AK4: variants seen among roughly 807,000 people sequenced by gnomAD.
AK4 encodes adenylate kinase 4, mitochondrial.
Under a neutral mutation model 24.6 loss-of-function variants are expected in AK4, and 13 were observed. The ratio of observed to expected loss-of-function variants is 0.53; its 90% CI spans 0.34 to 0.84. AK4 has a LOEUF of 0.84. AK4 is among the 40% of genes least tolerant of loss of function. The pLI, the probability that AK4 is intolerant of heterozygous loss-of-function variation, is 0.01. For synonymous variants in AK4, 88 were observed against 107.0 expected (o/e 0.82, Z 1.10); for missense variants, 192 against 288.2 (o/e 0.67, Z 2.42).
chr1:65,150,220 T>G (rs1557433173), intron 1 of AK4, among the ~76,000 whole-genome samples: 1 of 152,094 alleles, frequency 6.6e-6, no homozygotes, highest in Non-Finnish European at 1.5e-5. Flanking sequence ...TTTCTGCACT[T>G]TCTTAGGGGC....
intron 2 of AK4, among the ~76,000 whole-genome samples, chr1:65,193,614 G>A (rs761700442): frequency 3.3e-5 from 5 of 152,140 alleles, no homozygotes; most frequent in Admixed American, 2.0e-4. Flanking sequence ...TGACAGTAAG[G>A]GGTGTGGGAA....
At chr1:65,154,019 G>A (rs1649887523) in intron 1 of AK4, among the ~76,000 whole-genome samples, 1 of 152,168 alleles carries the variant, frequency 6.6e-6, no homozygotes, top group South Asian at 2.1e-4. Flanking sequence ...TATTCCAAGG[G>A]CACTGGAAAG....
intron 1 of AK4, among the ~76,000 whole-genome samples, chr1:65,155,429 C>T (rs1371045886): frequency 1.3e-5 from 2 of 152,046 alleles, no homozygotes; most frequent in Admixed American, 6.6e-5. Flanking sequence ...GCTGAGATTG[C>T]GCCACTGTAC....
chr1:65,191,397 A>T (rs939183510), intron 2 of AK4, among the ~76,000 whole-genome samples: 3 of 152,156 alleles, frequency 2.0e-5, no homozygotes, highest in Non-Finnish European at 4.4e-5. Context: ...TATTACTGAC[A>T]CTATAAAAGA....
chr1:65,196,834 G>A (rs1651487040), intron 2 of AK4, among the ~76,000 whole-genome samples: 1 of 152,074 alleles, frequency 6.6e-6, no homozygotes, highest in South Asian at 2.1e-4. Flanking sequence ...AGACATACCC[G>A]AGACTGGGTA....
At chr1:65,201,062 G>A (rs966172291) in intron 2 of AK4, among the ~76,000 whole-genome samples, 2 of 152,198 alleles carry the variant, frequency 1.3e-5, no homozygotes, top group African/African-American at 4.8e-5. Context: ...AAAGTGCTGG[G>A]ATTACAGGTG....
rs571914026 is a variant in AK4, at chr1:65,220,127, T to C, written c.438+1201T>C. On this transcript the variant is annotated intron_variant, in intron 3 of 4. Coordinates refer to ENST00000327299, the MANE Select transcript of AK4 (RefSeq NM_013410.4). ...GTTCCATTGTATGGATGTACCACAG[T>C]TTATTCGTTTTGAAGAACATCTTGG... Among the ~76,000 whole-genome samples the C allele has an allele frequency of 3.8e-4, 58 of 152,350 alleles. 1 individual carries two copies. The highest frequency in any genetic ancestry group is 4.1e-4 in the South Asian group (2 of 4,830).
At chr1:65,166,340 G>A (rs1650329270) in intron 1 of AK4, among the ~76,000 whole-genome samples, 2 of 151,016 alleles carry the variant, frequency 1.3e-5, no homozygotes, top group African/African-American at 4.9e-5. Context: ...GTGTGTGTGT[G>A]TGTGTGTGTG....
intron 1 of AK4, among the ~76,000 whole-genome samples, chr1:65,175,876 A>G (rs1291606924): frequency 6.6e-6 from 1 of 152,040 alleles, no homozygotes; most frequent in South Asian, 2.1e-4. Context: ...ATTCATCCCA[A>G]TCTGCTTTTC....
At chr1:65,188,299 G>A (rs1651170476) in intron 1 of AK4, among the ~76,000 whole-genome samples, 1 of 151,938 alleles carries the variant, frequency 6.6e-6, no homozygotes, top group Non-Finnish European at 1.5e-5. Flanking sequence ...GGAGGCTGGG[G>A]CAGGAGAATC....
chr1:65,163,595 A>G (rs373518728), intron 1 of AK4, among the ~76,000 whole-genome samples: 1 of 152,188 alleles, frequency 6.6e-6, no homozygotes, highest in African/African-American at 2.4e-5. Flanking sequence ...AGTCTTATCT[A>G]CCTAAGCCAG....
chr1:65,165,034 A>G (rs887440464), intron 1 of AK4, among the ~76,000 whole-genome samples: 6 of 152,262 alleles, frequency 3.9e-5, no homozygotes, highest in Admixed American at 3.9e-4. Context: ...TTTGTTAATC[A>G]GAGTAAGAAA....
intron 1 of AK4, among the ~76,000 whole-genome samples, chr1:65,171,853 A>G (rs1415337769): frequency 2.0e-5 from 3 of 151,470 alleles, no homozygotes; most frequent in South Asian, 2.1e-4. Context: ...GGATCACTTG[A>G]GGTCAGGAGT....
rs573170359 is a variant in AK4 at position 65,230,949 on chromosome 1, G to A, written c.*4772G>A. ...TTCTGCAGTTGATTTTGCTAGAGAG[G>A]CAATTCATAAGGTGAGGTCCTGTTC... On this transcript the variant is annotated 3_prime_UTR_variant, in exon 5 of 5. Coordinates refer to ENST00000327299, the MANE Select transcript of AK4 (RefSeq NM_013410.4). 3 of 152,214 alleles carry A rather than the reference G, an allele frequency of 2.0e-5. No individual in the cohort carries two copies. Among genetic ancestry groups the A allele is most frequent in the East Asian group, 3.9e-4 (2 of 5,180 alleles). The allele number at this position is 152,214 out of a possible 1,614,324, so 9.4% of individuals were successfully genotyped here.
chr1:65,171,153 G>T (rs1471273048), intron 1 of AK4, among the ~76,000 whole-genome samples: 1 of 145,174 alleles, frequency 6.9e-6, no homozygotes, highest in Admixed American at 6.9e-5. Context: ...TGCAGATAGG[G>T]TCTCACTATA....
chr1:65,218,122 T>A (rs1652187064), intron 2 of AK4, among the ~76,000 whole-genome samples: 1 of 152,208 alleles, frequency 6.6e-6, no homozygotes. Context: ...TTGCCTACCT[T>A]GGTTAAAGTG....
rs568197381 is a variant in AK4 at position 65,229,800 on chromosome 1, C to T, written c.*3623C>T. 1 of 151,734 alleles carries T rather than the reference C, an allele frequency of 6.6e-6. No individual in the cohort carries two copies. Among genetic ancestry groups the T allele is most frequent in the Non-Finnish European group, 1.5e-5 (1 of 68,082 alleles). The allele number at this position is 151,734 out of a possible 1,614,324, so 9.4% of individuals were successfully genotyped here. On this transcript the variant is annotated 3_prime_UTR_variant, in exon 5 of 5. Transcript: ENST00000327299. ...AAGTGGCCTTTACCCTTGAGCCGTC[C>T]CCAGCCATGGTGCTCACACATAGGC...
At chr1:65,200,692 A>G (rs1218560253) in intron 2 of AK4, among the ~76,000 whole-genome samples, 1 of 152,150 alleles carries the variant, frequency 6.6e-6, no homozygotes, top group African/African-American at 2.4e-5. Context: ...TTCGATAAGT[A>G]TTTATTGATC....
chr1:65,176,428 T>C (rs1650717525), intron 1 of AK4, among the ~76,000 whole-genome samples: 1 of 152,042 alleles, frequency 6.6e-6, no homozygotes, highest in Non-Finnish European at 1.5e-5. Flanking sequence ...GAAAGTATGG[T>C]AGAAAGAACA....
Sources: gnomAD v4.1 joint callset for allele counts (sites outside exome capture counted in the v4.1 genomes callset) on GRCh38, gnomAD v4.1.1 for gene constraint, MANE v1.5 for transcripts, NCBI Gene and HGNC (gene_info 2026-07-23, HGNC 2026-07-21) for gene names.